Variants in SEMA6A observed in about 807,000 individuals in gnomAD.
SEMA6A encodes semaphorin-6A.
A neutral mutation model predicts 96.8 loss-of-function variants in SEMA6A; 25 were observed. That is an observed-to-expected ratio of 0.26 (90% CI 0.19 to 0.36). The LOEUF (loss-of-function observed/expected upper bound fraction) is 0.36. Ranked by LOEUF, SEMA6A falls within the 10% of genes least tolerant of loss-of-function variation. The pLI is 1.00. For missense variants in SEMA6A, 1,363 were observed against 1,323.1 expected, an observed-to-expected ratio of 1.03 and a Z score of -0.47; for synonymous variants, 612 against 518.0, an observed-to-expected ratio of 1.18 and a Z score of -2.46.
At chr5:116,524,345 C>A (rs955212183) in intron 1 of SEMA6A, among the ~76,000 whole-genome samples, 2 of 152,192 alleles carry the variant, frequency 1.3e-5, no homozygotes, top group African/African-American at 4.8e-5. Flanking sequence ...TAGTAACTGA[C>A]TATTTATCAT....
intron 11 of SEMA6A, among the ~76,000 whole-genome samples, chr5:116,480,921 A>T (rs1187726417): frequency 6.6e-6 from 1 of 152,220 alleles, no homozygotes; most frequent in Admixed American, 6.5e-5. Context: ...TGCTTCTACA[A>T]GAAATTCTAT....
At chr5:116,547,596 T>TA (rs1760235190) in intron 1 of SEMA6A, among the ~76,000 whole-genome samples, 1 of 151,994 alleles carries the variant, frequency 6.6e-6, no homozygotes, top group Non-Finnish European at 1.5e-5. Context: ...TTTTATCTAT[T>TA]AAGGAAGCTT....
intron 1 of SEMA6A, among the ~76,000 whole-genome samples, chr5:116,556,375 C>T (rs529805803): frequency 2.0e-5 from 3 of 152,258 alleles, no homozygotes; most frequent in Admixed American, 6.5e-5. Flanking sequence ...TTGTCAAGAA[C>T]CCATATCCTG....
At chr5:116,533,837 C>G (rs1759594836) in intron 1 of SEMA6A, among the ~76,000 whole-genome samples, 1 of 152,192 alleles carries the variant, frequency 6.6e-6, no homozygotes, top group South Asian at 2.1e-4. Flanking sequence ...TTCACTCCCT[C>G]CAGTCTCCAC....
Position 116,488,165 on chromosome 5 carries a change from T to A in SEMA6A, c.687A>T (p.Gly229=). 1 of 1,612,058 alleles carries A rather than the reference T, an allele frequency of 6.2e-7. No individual in the cohort carries two copies. ...EPYFVQAVDY[G]DYIYFFFREI... The stretch of plus-strand genomic sequence containing the variant: ...CCCTGAAGAAGAAGTAGATATAATC[T>A]CCGTAATCCACGGCTTGAACAAAGT... Residue 229 remains glycine, a synonymous_variant, in exon 9 of 19, where the codon GGA becomes GGT. Coordinates refer to ENST00000343348, the MANE Select transcript of SEMA6A (RefSeq NM_020796.5).
chr5:116,465,868 C>T (rs1755700220), intron 18 of SEMA6A, among the ~76,000 whole-genome samples: 1 of 152,106 alleles, frequency 6.6e-6, no homozygotes, highest in Admixed American at 6.5e-5. Context: ...GTGATTTCTA[C>T]TGAGTTTTCT....
At chr5:116,449,234 G>A in intron 18 of SEMA6A, 1 of 685,562 alleles carries the variant, frequency 1.5e-6, no homozygotes. Flanking sequence ...GAAAGAACAT[G>A]AATACATTAG....
intron 18 of SEMA6A, among the ~76,000 whole-genome samples, chr5:116,454,802 GTGTGTGTGCA>G (rs1490025355): frequency 1.3e-5 from 2 of 150,516 alleles, no homozygotes; most frequent in Non-Finnish European, 3.0e-5. Flanking sequence ...GTGTGTGTGT[GTGTGTGTGCA>G]TGTGTGTGTG....
chr5:116,550,082 A>G (rs1308044930), intron 1 of SEMA6A: 1 of 152,220 alleles, frequency 6.6e-6, no homozygotes, highest in Non-Finnish European at 1.5e-5. Context: ...TGATGGTTAA[A>G]GAGTTAATTT....
At position 116,518,998 on chromosome 5, in the gene SEMA6A, G is replaced by GT. The variant is rs1758800006; in HGVS notation, c.-38-14017dup. Among the ~76,000 whole-genome samples the GT allele has an allele frequency of 2.0e-5, 3 of 147,846 alleles. No homozygotes were observed. In the South Asian group the frequency reaches 6.3e-4, roughly 31 times the overall value. On this transcript the variant is annotated intron_variant, in intron 1 of 18. Coordinates refer to ENST00000343348, the MANE Select transcript of SEMA6A (RefSeq NM_020796.5). ...AACATAGTCTTTATCTCTCCTAAGA[G>GT]TTAAAAAAAAAAAAGTCATTCTAAA...
chr5:116,564,375 T>A (rs371086717), intron 1 of SEMA6A, among the ~76,000 whole-genome samples: 3 of 152,372 alleles, frequency 2.0e-5, no homozygotes. Flanking sequence ...TGTCTTGAAT[T>A]CAACACTGTT....
At chr5:116,538,847 A>G (rs138587102) in intron 1 of SEMA6A, among the ~76,000 whole-genome samples, 340 of 152,256 alleles carry the variant, frequency 2.2e-3, no homozygotes, top group African/African-American at 7.8e-3. Context: ...CCCCTGGCCT[A>G]TTCCACAACA....
At chr5:116,515,549 T>G (rs1758629915) in intron 1 of SEMA6A, among the ~76,000 whole-genome samples, 1 of 152,182 alleles carries the variant, frequency 6.6e-6, no homozygotes, top group African/African-American at 2.4e-5. Flanking sequence ...GAGAGTGACT[T>G]TAAAGGAGCA....
At chr5:116,510,044 A>G (rs747023968) in intron 1 of SEMA6A, among the ~76,000 whole-genome samples, 1 of 152,178 alleles carries the variant, frequency 6.6e-6, no homozygotes, top group Non-Finnish European at 1.5e-5. Flanking sequence ...CATGAGGGGT[A>G]GAACGAACTC....
chr5:116,553,942 T>A (rs2112890179), intron 1 of SEMA6A, among the ~76,000 whole-genome samples: 1 of 152,288 alleles, frequency 6.6e-6, no homozygotes, highest in Non-Finnish European at 1.5e-5. Flanking sequence ...TAATACCAAT[T>A]GTGTTTTGGA....
At chr5:116,502,129 A>G (rs1757912386) in intron 3 of SEMA6A, 81 bp downstream of exon 3, 1 of 1,066,520 alleles carries the variant, frequency 9.4e-7, no homozygotes, top group African/African-American at 1.6e-5. Context: ...TCAAGATCTT[A>G]AAAATAATGC....
intron 1 of SEMA6A, among the ~76,000 whole-genome samples, chr5:116,540,765 A>G (rs1328144249): frequency 6.6e-6 from 1 of 152,206 alleles, no homozygotes; most frequent in Non-Finnish European, 1.5e-5. Context: ...TTTTCACTCC[A>G]GTGTCTTCCT....
rs1580427061 is a variant in SEMA6A at position 116,445,073 on chromosome 5, C to T, written c.*1540G>A. The T allele has an allele frequency of 6.5e-6, 1 of 152,804 alleles. No individual in the cohort carries two copies. The highest frequency in any genetic ancestry group is 3.4e-3 in the Middle Eastern group (1 of 294). The allele number at this position is 152,804 out of a possible 1,614,324, so 9.5% of individuals were successfully genotyped here. On this transcript the variant is annotated 3_prime_UTR_variant, in exon 19 of 19. Transcript: ENST00000343348. ...AGCCAAAGGGTGGTTCCAGTTGGCA[C>T]AACTAGAAGGCAGTGTGAATTGGAG...
At chr5:116,535,508 GA>G (rs753817007) in intron 1 of SEMA6A, among the ~76,000 whole-genome samples, 2 of 152,158 alleles carry the variant, frequency 1.3e-5, no homozygotes, top group Admixed American at 6.6e-5. Flanking sequence ...TGAATGATTA[GA>G]AACTGTGATC....
Sources: allele counts gnomAD v4.1 joint callset (sites outside exome capture counted in the v4.1 genomes callset), GRCh38; gene constraint gnomAD v4.1.1; transcripts MANE v1.5; gene names NCBI Gene and HGNC (gene_info 2026-07-23, HGNC 2026-07-21).